PTPRT: variants seen among roughly 807,000 people sequenced by gnomAD.
The protein encoded by PTPRT is receptor-type tyrosine-protein phosphatase T.
PTPRT carries 56 observed loss-of-function variants against 176.8 expected under a neutral mutation model. The ratio of observed to expected loss-of-function variants is 0.32; its 90% CI spans 0.26 to 0.40. The LOEUF is 0.40. Among genes scored for constraint, PTPRT ranks in the 10% least tolerant of loss-of-function variants. PTPRT has a pLI of 1.00. For synonymous variants in PTPRT, 783 were observed against 739.0 expected, an observed-to-expected ratio of 1.06 and a Z score of -0.96; for missense variants, 1,540 against 1,908.2, an observed-to-expected ratio of 0.81 and a Z score of 3.60.
intron 1 of PTPRT, among the ~76,000 whole-genome samples, chr20:43,030,611 G>C (rs1439817731): frequency 1.3e-5 from 2 of 152,106 alleles, no homozygotes; most frequent in African/African-American, 2.4e-5. Context: ...AATGATTTCA[G>C]ATAATTCCAC....
At chr20:42,756,997 C>T (rs898065442) in intron 5 of PTPRT, among the ~76,000 whole-genome samples, 1 of 149,672 alleles carries the variant, frequency 6.7e-6, no homozygotes, top group African/African-American at 2.5e-5. Flanking sequence ...TTGCAGTGAG[C>T]CATGATCAAG....
intron 22 of PTPRT, among the ~76,000 whole-genome samples, chr20:42,110,910 T>A (rs915121705): frequency 2.6e-5 from 4 of 152,164 alleles, no homozygotes; most frequent in African/African-American, 7.2e-5. Flanking sequence ...AGGCGTTCAG[T>A]GATTGAGGTC....
chr20:43,020,546 C>T (rs567107707), intron 1 of PTPRT, among the ~76,000 whole-genome samples: 6 of 152,038 alleles, frequency 3.9e-5, no homozygotes, highest in Non-Finnish European at 8.8e-5. Flanking sequence ...AAAAAGTTGG[C>T]AGACGTGATT....
intron 16 of PTPRT, among the ~76,000 whole-genome samples, chr20:42,176,907 C>G (rs1336779176): frequency 6.6e-6 from 1 of 152,192 alleles, no homozygotes; most frequent in African/African-American, 2.4e-5. Context: ...CTTCCTTTCT[C>G]CATTTCAAAC....
At chr20:42,824,344 A>G (rs1185652503) in intron 2 of PTPRT, among the ~76,000 whole-genome samples, 1 of 152,058 alleles carries the variant, frequency 6.6e-6, no homozygotes, top group Non-Finnish European at 1.5e-5. Context: ...AAGTGTAACT[A>G]GAAGAGAATG....
intron 27 of PTPRT, among the ~76,000 whole-genome samples, chr20:42,095,415 T>C (rs1985100811): frequency 6.6e-6 from 1 of 152,184 alleles, no homozygotes; most frequent in African/African-American, 2.4e-5. Flanking sequence ...GTGCTGTTCC[T>C]CAAGGGCACC....
At chr20:42,644,846 A>G (rs1040901291) in intron 7 of PTPRT, among the ~76,000 whole-genome samples, 2 of 152,190 alleles carry the variant, frequency 1.3e-5, no homozygotes, top group African/African-American at 4.8e-5. Flanking sequence ...TTATATTCAT[A>G]TGTATTGCAC....
At chr20:42,816,544 G>C (rs532032353) in intron 2 of PTPRT, among the ~76,000 whole-genome samples, 1 of 152,290 alleles carries the variant, frequency 6.6e-6, no homozygotes, top group South Asian at 2.1e-4. Flanking sequence ...TCGAGGAAGG[G>C]AGGTGACTGG....
chr20:42,104,444 G>A, intron 25 of PTPRT, 125 bp downstream of exon 25: 2 of 1,112,642 alleles, frequency 1.8e-6, no homozygotes, highest in South Asian at 4.0e-5. Context: ...GCTTGATGCT[G>A]GGCTTCTCAG....
intron 7 of PTPRT, among the ~76,000 whole-genome samples, chr20:42,489,085 T>C (rs1355480850): frequency 1.3e-5 from 2 of 151,962 alleles, no homozygotes; most frequent in African/African-American, 2.4e-5. Flanking sequence ...AAGGTTTTAT[T>C]TTATTTTTAT....
intron 13 of PTPRT, among the ~76,000 whole-genome samples, chr20:42,277,867 A>G (rs1385503602): frequency 1.4e-5 from 2 of 147,628 alleles, no homozygotes; most frequent in Non-Finnish European, 1.5e-5. Context: ...AAGAATAATG[A>G]CCTGTTAGTC....
intron 11 of PTPRT, among the ~76,000 whole-genome samples, chr20:42,344,890 G>T (rs983339071): frequency 6.6e-6 from 1 of 151,942 alleles, no homozygotes; most frequent in African/African-American, 2.4e-5. Context: ...CTCTGTGTGC[G>T]CTTTTGCATA....
At chr20:43,062,312 TGTCTTTTCCTGGCTGG>T (rs1327862241) in intron 1 of PTPRT, among the ~76,000 whole-genome samples, 1 of 152,242 alleles carries the variant, frequency 6.6e-6, no homozygotes, top group Non-Finnish European at 1.5e-5. Flanking sequence ...AATCTCGCTT[TGTCTTTTCCTGGCTGG>T]GTAACCTAGG....
At chr20:42,222,502 C>A (rs1474102334) in intron 15 of PTPRT, among the ~76,000 whole-genome samples, 2 of 152,186 alleles carry the variant, frequency 1.3e-5, no homozygotes, top group Non-Finnish European at 2.9e-5. Flanking sequence ...CTCTCATCTT[C>A]CCCTGTCTTT....
At chr20:42,494,742 C>A (rs980551127) in intron 7 of PTPRT, among the ~76,000 whole-genome samples, 2 of 150,732 alleles carry the variant, frequency 1.3e-5, no homozygotes, top group Non-Finnish European at 2.9e-5. Flanking sequence ...TTTCCTGGTA[C>A]CTAGAATCAT....
chr20:43,045,846 A>G (rs186013493), intron 1 of PTPRT, among the ~76,000 whole-genome samples: 13 of 152,260 alleles, frequency 8.5e-5, no homozygotes, highest in Middle Eastern at 3.4e-3. Flanking sequence ...AACAGCAATT[A>G]CAGATGACAA....
Position 42,352,227 on chromosome 20 carries a change from C to A in PTPRT, c.1619G>T (p.Gly540Val). The A allele has an allele frequency of 1.2e-6, 2 of 1,614,142 alleles. No homozygotes were observed. Among genetic ancestry groups the A allele is most frequent in the Non-Finnish European group, 1.7e-6 (2 of 1,180,034 alleles). ...TTCATTCCGGAGCTTGAACACTTTC[C>A]CCCTCTGGCTCGAGAGGTCAGCACT... ...DPSADLSSQR[G>V]KVFKLRNETH... is the part of the protein sequence containing the mutation. The change falls in exon 10 of 31, where the codon GGG (glycine) becomes GTG (valine). Residue 540 changes from glycine to valine, a missense_variant. Physicochemically the swap from Gly to Val is moderately radical, Grantham distance 109. Transcript: ENST00000373187.
the PTPRT span, among the ~76,000 whole-genome samples, chr20:42,053,049 A>C: frequency 6.6e-6 from 1 of 152,300 alleles, no homozygotes; most frequent in South Asian, 2.1e-4. Flanking sequence ...GTTCCAATAC[A>C]TTATTATTTA....
intron 2 of PTPRT, among the ~76,000 whole-genome samples, chr20:42,819,598 C>T (rs998746048): frequency 6.6e-6 from 1 of 152,100 alleles, no homozygotes. Flanking sequence ...TTAAAAGACA[C>T]AGACTGGCAA....
Sources: allele counts gnomAD v4.1 joint callset (sites outside exome capture counted in the v4.1 genomes callset), GRCh38; gene constraint gnomAD v4.1.1; transcripts MANE v1.5; gene names NCBI Gene and HGNC (gene_info 2026-07-23, HGNC 2026-07-21).